The following CACNA1C variants were observed in gnomAD, a reference collection of about 807,000 sequenced individuals.
CACNA1C encodes the protein voltage-dependent L-type calcium channel subunit alpha-1C.
CACNA1C carries 30 observed loss-of-function variants against 229.0 expected under a neutral mutation model. The observed-to-expected ratio is 0.13, with a 90% confidence interval of 0.10 to 0.18. The LOEUF is 0.18. Ranked by LOEUF, CACNA1C falls within the 10% of genes least tolerant of loss-of-function variation. CACNA1C has a pLI of 1.00. For synonymous variants in CACNA1C, 1,114 were observed against 1,132.5 expected (o/e 0.98, Z 0.33); for missense variants, 1,658 against 2,845.0 (o/e 0.58, Z 9.49).
chr12:2,360,156 A>ACCCCCCCCCCCCCCCC (rs796441635), intron 3 of CACNA1C, among the ~76,000 whole-genome samples: 6 of 57,020 alleles, frequency 1.1e-4, no homozygotes, highest in East Asian at 7.0e-4. Context: ...AACACACCCC[A>ACCCCCCCCCCCCCCCC]CCCCCCCCCA....
intron 3 of CACNA1C, among the ~76,000 whole-genome samples, chr12:2,226,129 A>G (rs1163229983): frequency 0.074 from 1,127 of 15,230 alleles, 12 homozygotes; most frequent in African/African-American, 0.13. Flanking sequence ...GGACGCGCAC[A>G]CACACACACA....
At chr12:2,289,207 G>C (rs1379473937) in intron 3 of CACNA1C, among the ~76,000 whole-genome samples, 1 of 152,190 alleles carries the variant, frequency 6.6e-6, no homozygotes, top group Non-Finnish European at 1.5e-5. Context: ...GAGGGTATGA[G>C]AGTCGAGGCA....
At chr12:2,395,209 C>CT (rs5796003) in intron 3 of CACNA1C, among the ~76,000 whole-genome samples, 45,508 of 128,028 alleles carry the variant, frequency 0.36, 8,158 homozygotes, top group Non-Finnish European at 0.41. Flanking sequence ...TTTTCTCTAG[C>CT]TTTTTTTTTT....
At chr12:2,548,385 C>T (rs1161295091) in intron 9 of CACNA1C, among the ~76,000 whole-genome samples, 2 of 149,006 alleles carry the variant, frequency 1.3e-5, no homozygotes, top group Admixed American at 6.6e-5. Flanking sequence ...GAGACTGGGG[C>T]GCTCAAGATG....
rs929429886 is a variant in CACNA1C, at chr12:2,082,035, G to A, written c.49+28424G>A. 9.9e-5 allele frequency among the ~76,000 whole-genome samples: 15 copies of A among 151,950 alleles called. 1 individual carries two copies. Among genetic ancestry groups the A allele is most frequent in the African/African-American group, 3.6e-4 (15 of 41,284 alleles). On this transcript the variant is annotated intron_variant, in intron 1 of 46. Coordinates refer to ENST00000399655, the MANE Select transcript of CACNA1C (RefSeq NM_000719.7). ...CATTTTGAGAGGTAAGAAAACAGGGGGGACAGGGGGGATATTCACTTCAGT... is the reference window on the plus strand; with the variant it reads ...CATTTTGAGAGGTAAGAAAACAGGGAGGACAGGGGGGATATTCACTTCAGT...
chr12:2,437,768 G>A (rs2099149129), intron 3 of CACNA1C, among the ~76,000 whole-genome samples: 1 of 151,614 alleles, frequency 6.6e-6, no homozygotes, highest in South Asian at 2.1e-4. Context: ...GGTGATAGTG[G>A]AGATGGTAGA....
At chr12:2,066,917 C>T (rs2059452541) in intron 1 of CACNA1C, among the ~76,000 whole-genome samples, 2 of 152,050 alleles carry the variant, frequency 1.3e-5, no homozygotes, top group East Asian at 1.9e-4. Context: ...GATGAGGCAG[C>T]TGGAGTGGGG....
intron 5 of CACNA1C, among the ~76,000 whole-genome samples, chr12:2,472,565 T>C (rs542456685): frequency 6.6e-6 from 1 of 152,290 alleles, no homozygotes; most frequent in East Asian, 1.9e-4. Context: ...TTTAAATATA[T>C]GTATCTATAT....
intron 3 of CACNA1C, among the ~76,000 whole-genome samples, chr12:2,120,656 C>CTGTGTGTGTGTGTGTGTGTGTG (rs112680750): frequency 4.3e-5 from 6 of 139,776 alleles, no homozygotes; most frequent in African/African-American, 1.6e-4. Context: ...GTGGTGAGCT[C>CTGTGTGTGTGTGTGTGTGTGTG]TGTGTGTGTG....
rs902729746 is a variant in CACNA1C at position 2,601,470 on chromosome 12, A to T, written c.2854-384A>T. Among the ~76,000 whole-genome samples, 1 of 150,534 alleles carries T rather than the reference A, an allele frequency of 6.6e-6. No homozygotes were observed. Among genetic ancestry groups the T allele is most frequent in the Admixed American group, 6.6e-5 (1 of 15,140 alleles). ...TCAAGCATTTGGAGAGGCAGTCGGG[A>T]TGTGTGCTCCCAACCCGACAGCATC... On this transcript the variant is annotated intron_variant, in intron 21 of 46. Coordinates refer to ENST00000399655, the MANE Select transcript of CACNA1C (RefSeq NM_000719.7). The surrounding 1 kb of genome is among the most constrained non-coding windows in gnomAD (Gnocchi z 5.9).
intron 11 of CACNA1C, among the ~76,000 whole-genome samples, chr12:2,557,919 T>A (rs140162957): frequency 6.6e-6 from 1 of 152,278 alleles, no homozygotes; most frequent in East Asian, 1.9e-4. Flanking sequence ...AATGAATGAG[T>A]GGACAGATGT....
At chr12:2,557,791 G>A (rs189555671) in intron 11 of CACNA1C, among the ~76,000 whole-genome samples, 10 of 152,272 alleles carry the variant, frequency 6.6e-5, no homozygotes, top group Non-Finnish European at 1.2e-4. Context: ...CATGACACTC[G>A]GATTACTGGC....
rs1286705069 is a variant in CACNA1C at position 1,971,173 on chromosome 12, A to G, written c.111A>G (p.Gln37=). 7.8e-7 allele frequency: 1 copy of G among 1,289,212 alleles called. No homozygotes were observed. Among genetic ancestry groups the G allele is most frequent in the African/African-American group, 1.5e-5 (1 of 65,976 alleles). The allele number at this position is 1,289,212 out of a possible 1,614,324, so 79.9% of individuals were successfully genotyped here. The change falls in exon 1 of 47, where the codon CAA becomes CAG. Residue 37 remains glutamine, a synonymous_variant. Transcript: ENST00000682462. This position sits in a 1 kb window ranked among gnomAD's most constrained non-coding sequence, Gnocchi z 4.2. ...AGGGTACTTTGGTGCATGAAGCTCAACTCAACTATTTCTACATCTCTCCTG... is the reference window on the plus strand; with the variant it reads ...AGGGTACTTTGGTGCATGAAGCTCAGCTCAACTATTTCTACATCTCTCCTG...
chr12:2,587,615 G>A (rs2063111172), intron 18 of CACNA1C, among the ~76,000 whole-genome samples: 1 of 152,050 alleles, frequency 6.6e-6, no homozygotes, highest in South Asian at 2.1e-4. Flanking sequence ...AAAAAAAAAG[G>A]GCTAATGAGG....
In CACNA1C at chr12:2,053,967, G is replaced by C. The variant is rs890026735; in HGVS notation, c.49+356G>C. Among the ~76,000 whole-genome samples the C allele has an allele frequency of 1.3e-5, 2 of 149,256 alleles. No homozygotes were observed. The highest frequency in any genetic ancestry group is 2.4e-5 in the African/African-American group (1 of 41,144). ...CCCGGCTGCCTGGCCAGCCGCGCGG[G>C]GGGCAGAGGGCGCCGGCGCCGCGGA... On this transcript the variant is annotated intron_variant, in intron 1 of 46. Coordinates refer to ENST00000399655, the MANE Select transcript of CACNA1C (RefSeq NM_000719.7). This position sits in a 1 kb window ranked among gnomAD's most constrained non-coding sequence, Gnocchi z 5.8.
chr12:2,195,347 G>C (rs548131549), intron 3 of CACNA1C, among the ~76,000 whole-genome samples: 9 of 152,328 alleles, frequency 5.9e-5, no homozygotes, highest in African/African-American at 1.9e-4. Context: ...AGGACAGGCA[G>C]GGAGGAACTC....
intron 3 of CACNA1C, among the ~76,000 whole-genome samples, chr12:2,310,915 C>T (rs2095404910): frequency 6.6e-6 from 1 of 152,300 alleles, no homozygotes; most frequent in Admixed American, 6.5e-5. Flanking sequence ...AGGAAGACAG[C>T]CCCTACGTTC....
intron 3 of CACNA1C, among the ~76,000 whole-genome samples, chr12:2,239,421 G>A (rs2154371852): frequency 6.6e-6 from 1 of 152,248 alleles, no homozygotes; most frequent in Middle Eastern, 3.4e-3. Flanking sequence ...CACTGCTGGA[G>A]GAAGGGTCAG....
At chr12:2,526,806 G>A (rs116960532) in intron 9 of CACNA1C, among the ~76,000 whole-genome samples, 28 of 152,318 alleles carry the variant, frequency 1.8e-4, no homozygotes, top group Non-Finnish European at 2.4e-4. Flanking sequence ...GAAAAGTGTA[G>A]CCATTTACTC....
Sources: gnomAD v4.1 joint callset for allele counts (sites outside exome capture counted in the v4.1 genomes callset) on GRCh38, gnomAD v4.1.1 for gene constraint, Gnocchi (gnomAD v3.1) non-coding constraint, MANE v1.5 for transcripts, NCBI Gene and HGNC (gene_info 2026-07-23, HGNC 2026-07-21) for gene names.